The following CRISP1 variants were observed in gnomAD, a reference collection of about 807,000 sequenced individuals.
CRISP1 encodes the protein cysteine-rich secretory protein 1.
A neutral mutation model predicts 33.1 loss-of-function variants in CRISP1; 44 were observed. The ratio of observed to expected loss-of-function variants is 1.33; its 90% CI spans 1.05 to 1.71. The LOEUF is 1.71. CRISP1 is among the 40% of genes most tolerant of loss of function. CRISP1 has a pLI of 0.00. For missense variants in CRISP1, 390 were observed against 301.2 expected (o/e 1.29, Z -2.18); for synonymous variants, 103 against 98.7 (o/e 1.04, Z -0.26).
At chr6:49,855,584 A>T (rs921236150) in intron 2 of CRISP1, among the ~76,000 whole-genome samples, 2 of 152,164 alleles carry the variant, frequency 1.3e-5, no homozygotes, top group Non-Finnish European at 2.9e-5. Context: ...GTGTGCTCAG[A>T]TAAGTCTCTA....
At chr6:49,840,678 T>C (rs980680523) in intron 6 of CRISP1, among the ~76,000 whole-genome samples, 1 of 152,090 alleles carries the variant, frequency 6.6e-6, no homozygotes, top group Non-Finnish European at 1.5e-5. Flanking sequence ...TAAAATAATA[T>C]ATAACTAAAT....
intron 1 of CRISP1, among the ~76,000 whole-genome samples, chr6:49,863,514 A>T (rs948369259): frequency 1.3e-5 from 2 of 152,218 alleles, no homozygotes; most frequent in Non-Finnish European, 2.9e-5. Flanking sequence ...TTAAGCCAAT[A>T]CTCTTAAAAT....
Position 49,844,810 on chromosome 6 carries a change from C to A in CRISP1, c.435+1710G>T, listed in dbSNP as rs1771106862. 2.0e-5 allele frequency among the ~76,000 whole-genome samples: 3 copies of A among 152,150 alleles called. No individual in the cohort carries two copies. The South Asian group carries it at 6.2e-4, about 32-fold the overall frequency. The stretch of plus-strand genomic sequence containing the variant: ...TCGAAATGAGAATGTCTATCCTATG[C>A]CTGTCTTTCTGTTGTACTATGGAAG... On this transcript the variant is annotated intron_variant, in intron 5 of 7. Transcript: ENST00000335847.
upstream of CRISP1, among the ~76,000 whole-genome samples, chr6:49,871,197 A>T (rs952064251): frequency 3.9e-5 from 6 of 152,066 alleles, no homozygotes; most frequent in African/African-American, 1.4e-4. Context: ...ACATGCACTC[A>T]TTATTCAAAA....
At chr6:49,854,830 T>G (rs1370219596) in intron 2 of CRISP1, among the ~76,000 whole-genome samples, 3 of 152,154 alleles carry the variant, frequency 2.0e-5, no homozygotes, top group Non-Finnish European at 4.4e-5. Context: ...GGGAGAGTGC[T>G]CCTGCCATTT....
chr6:49,874,603 C>A (rs149086220), intron 1 of CRISP1, among the ~76,000 whole-genome samples: 30 of 152,054 alleles, frequency 2.0e-4, no homozygotes, highest in Non-Finnish European at 3.7e-4. Context: ...ACAGCAACGA[C>A]AACAAAAACT....
intron 5 of CRISP1, among the ~76,000 whole-genome samples, chr6:49,846,024 T>C (rs1325072291): frequency 6.6e-6 from 1 of 151,922 alleles, no homozygotes; most frequent in African/African-American, 2.4e-5. Context: ...GAGTACAGAG[T>C]TTCGGTTTGG....
intron 5 of CRISP1, 138 bp from the exon 6 acceptor site, chr6:49,841,133 G>A: frequency 1.4e-6 from 1 of 694,220 alleles, no homozygotes; most frequent in Non-Finnish European, 2.4e-6. Context: ...AGAAGTCATA[G>A]AAACAAAAGG....
intron 1 of CRISP1, among the ~76,000 whole-genome samples, chr6:49,872,596 T>C (rs1190960776): frequency 2.0e-5 from 3 of 152,114 alleles, no homozygotes; most frequent in African/African-American, 7.2e-5. Flanking sequence ...AAGGAAGGGA[T>C]CCAGTTTCAG....
chr6:49,864,285 T>G (rs1466206311), intron 1 of CRISP1, among the ~76,000 whole-genome samples: 1 of 152,128 alleles, frequency 6.6e-6, no homozygotes, highest in Non-Finnish European at 1.5e-5. Context: ...ATCATTCTAT[T>G]ATTTATAAGA....
At chr6:49,844,891 A>G (rs925794599) in intron 5 of CRISP1, among the ~76,000 whole-genome samples, 2 of 152,166 alleles carry the variant, frequency 1.3e-5, no homozygotes, top group Admixed American at 6.6e-5. Context: ...TTACCTCTGG[A>G]TGAATCACAT....
intron 4 of CRISP1, 61 bp from the exon 5 acceptor site, chr6:49,846,729 A>T: frequency 6.0e-6 from 9 of 1,500,848 alleles, no homozygotes; most frequent in Non-Finnish European, 8.2e-6. Flanking sequence ...ATACAAGGAG[A>T]CTTTCCTCAT....
chr6:49,852,846 T>TTGTGTG (rs3056388), intron 2 of CRISP1, among the ~76,000 whole-genome samples: 5,177 of 145,504 alleles, frequency 0.036, 99 homozygotes, highest in South Asian at 0.094. Flanking sequence ...AAGAGAATCT[T>TTGTGTG]TGTGTGTGTG....
chr6:49,841,479 A>T (rs1341229664), intron 5 of CRISP1, among the ~76,000 whole-genome samples: 2 of 152,118 alleles, frequency 1.3e-5, no homozygotes, highest in African/African-American at 4.8e-5. Context: ...ATGACTGTGC[A>T]TGGGATTCAT....
chr6:49,840,831 C>A (rs1025200537), intron 6 of CRISP1, 67 bp downstream of exon 6: 18 of 1,261,056 alleles, frequency 1.4e-5, no homozygotes, highest in African/African-American at 3.0e-5. Flanking sequence ...CACAAAAAAA[C>A]AATGTTTGAA....
chr6:49,870,061 G>GT (rs1771886932), upstream of CRISP1, among the ~76,000 whole-genome samples: 1 of 152,092 alleles, frequency 6.6e-6, no homozygotes, highest in Non-Finnish European at 1.5e-5. Flanking sequence ...ATAAATTTTT[G>GT]TTTTTTGTAC....
upstream of CRISP1, among the ~76,000 whole-genome samples, chr6:49,870,210 TG>T (rs1472931020): frequency 6.6e-6 from 1 of 152,174 alleles, no homozygotes; most frequent in Non-Finnish European, 1.5e-5. Flanking sequence ...TTCTCAAAAA[TG>T]ACTGTAGAGA....
At chr6:49,873,086 G>T (rs1582290519) in intron 1 of CRISP1, among the ~76,000 whole-genome samples, 1 of 151,704 alleles carries the variant, frequency 6.6e-6, no homozygotes, top group Non-Finnish European at 1.5e-5. Context: ...CGAGTTACTT[G>T]GTGCAGCACA....
At chr6:49,875,856 G>T (rs1772023535) in intron 1 of CRISP1, among the ~76,000 whole-genome samples, 1 of 152,114 alleles carries the variant, frequency 6.6e-6, no homozygotes, top group African/African-American at 2.4e-5. Context: ...GCAGGAAATT[G>T]AAACTGGATC....
Sources: gnomAD v4.1 joint callset for allele counts (sites outside exome capture counted in the v4.1 genomes callset) on GRCh38, gnomAD v4.1.1 for gene constraint, MANE v1.5 for transcripts, NCBI Gene and HGNC (gene_info 2026-07-23, HGNC 2026-07-21) for gene names.